Variants in EPHA6 observed in about 807,000 individuals in gnomAD.
EPHA6 encodes the protein ephrin type-A receptor 6.
EPHA6 carries 50 observed loss-of-function variants against 112.0 expected under a neutral mutation model. The observed-to-expected ratio is 0.45, with a 90% CI of 0.36 to 0.56. EPHA6 has a LOEUF of 0.56. Among genes scored for constraint, EPHA6 ranks in the 20% least tolerant of loss-of-function variants. The probability of loss-of-function intolerance (pLI) is 0.00; values close to 1 mark genes in which losing one functional copy is unlikely to be tolerated. For synonymous variants in EPHA6, 529 were observed against 490.7 expected, an observed-to-expected ratio of 1.08 and a Z score of -1.03; for missense variants, 1,280 against 1,417.4, an observed-to-expected ratio of 0.90 and a Z score of 1.56.
At chr3:97,393,030 A>G (rs569282944) in intron 5 of EPHA6, among the ~76,000 whole-genome samples, 2 of 151,814 alleles carry the variant, frequency 1.3e-5, no homozygotes, top group Non-Finnish European at 2.9e-5. Context: ...ACTAGAAACC[A>G]GTGTTCTTGA....
At position 97,559,349 on chromosome 3, in the gene EPHA6, G is replaced by T. The variant is rs73134913; in HGVS notation, c.2386+26806G>T. ...ACAGGAGAGAACTCTAGAGATTTTGGTGAATATGTGCAAATAGAAAGTGAA... is the reference window on the plus strand; with the variant it reads ...ACAGGAGAGAACTCTAGAGATTTTGTTGAATATGTGCAAATAGAAAGTGAA... On this transcript the variant is annotated intron_variant, in intron 11 of 17. Coordinates refer to ENST00000389672, the MANE Select transcript of EPHA6 (RefSeq NM_001080448.3). Among the ~76,000 whole-genome samples, 879 of 152,074 alleles carry T rather than the reference G, an allele frequency of 5.8e-3. 3 individuals are homozygous for T. The highest frequency in any genetic ancestry group is 0.01 in the Middle Eastern group (3 of 294).
intron 3 of EPHA6, among the ~76,000 whole-genome samples, chr3:97,147,430 AT>A (rs901972699): frequency 2.9e-4 from 43 of 148,102 alleles, no homozygotes; most frequent in East Asian, 9.9e-4. Flanking sequence ...AAGGAACCAC[AT>A]TTTTTTTTTC....
Position 96,987,891 on chromosome 3 carries a change from G to A in EPHA6, c.1012G>A (p.Asp338Asn). The part of the protein sequence containing the change: ...GSCVKSAEER[D>N]TPKLYCGADG... ...TTGTGTGAAGAGTGCTGAAGAGCGT[G>A]ACACTCCTAAACTGTATTGTGGAGC... The change falls in exon 3 of 18, where the codon GAC becomes AAC. Residue 338 changes from aspartate to asparagine, a missense_variant. Physicochemically the swap from Asp to Asn is conservative, Grantham distance 23 (BLOSUM62 1). Transcript: ENST00000389672. 1.2e-6 allele frequency: 2 copies of A among 1,613,826 alleles called. No homozygotes were observed. Among genetic ancestry groups the A allele is most frequent in the South Asian group, 1.1e-5 (1 of 91,070 alleles).
Position 97,747,438 on chromosome 3 carries a change from T to C in EPHA6, c.3144T>C (p.Pro1048=). Residue 1048 remains proline, a synonymous_variant, in exon 17 of 18, where the codon CCT becomes CCC. Transcript: ENST00000389672. ...VEDILVMPES[P]GEVPEYPLFV... ...TTTCTTACAGAATGCCAGAGTCCCC[T>C]GGTGAAGTTCCGGAATATCCTTTGT... The C allele has an allele frequency of 6.4e-7, 1 of 1,569,606 alleles. No homozygotes were observed.
chr3:97,126,089 G>A (rs1000838435), intron 3 of EPHA6, among the ~76,000 whole-genome samples: 21 of 152,310 alleles, frequency 1.4e-4, no homozygotes, highest in Admixed American at 9.8e-4. Context: ...GCAGGTATGC[G>A]ATTTCCTACT....
chr3:97,224,033 A>G (rs1424335168), intron 3 of EPHA6, among the ~76,000 whole-genome samples: 2 of 151,674 alleles, frequency 1.3e-5, no homozygotes, highest in East Asian at 1.9e-4. Context: ...TACTTCGAGA[A>G]AAAAAAAATT....
At chr3:97,230,533 G>C (rs1235026495) in intron 4 of EPHA6, among the ~76,000 whole-genome samples, 1 of 152,034 alleles carries the variant, frequency 6.6e-6, no homozygotes, top group Non-Finnish European at 1.5e-5. Flanking sequence ...GTCATGGCTG[G>C]GCAGAATTTT....
At chr3:97,001,321 C>T (rs2043655811) in intron 3 of EPHA6, among the ~76,000 whole-genome samples, 1 of 151,658 alleles carries the variant, frequency 6.6e-6, no homozygotes, top group South Asian at 2.1e-4. Context: ...ATCTTGTTGT[C>T]TCTTGTAAGA....
intron 3 of EPHA6, among the ~76,000 whole-genome samples, chr3:97,210,665 T>G (rs2077846046): frequency 6.6e-6 from 1 of 152,214 alleles, no homozygotes; most frequent in African/African-American, 2.4e-5. Flanking sequence ...TCTGTCTAAC[T>G]TTTGGCTTTT....
chr3:97,606,267 T>A (rs1027424005), intron 12 of EPHA6: 5 of 151,278 alleles, frequency 3.3e-5, no homozygotes, highest in African/African-American at 1.2e-4. Flanking sequence ...TTTAAGAAAA[T>A]TTTTTGTATC....
intron 3 of EPHA6, among the ~76,000 whole-genome samples, chr3:97,044,935 T>A (rs1351223780): frequency 6.6e-6 from 1 of 152,076 alleles, no homozygotes; most frequent in Non-Finnish European, 1.5e-5. Flanking sequence ...AAAATCTGTC[T>A]TTAGAAAGTC....
At chr3:97,600,388 A>G (rs377643688) in intron 12 of EPHA6, among the ~76,000 whole-genome samples, 1,788 of 150,812 alleles carry the variant, frequency 0.012, 30 homozygotes, top group African/African-American at 0.033. Flanking sequence ...ATTCAGTATG[A>G]TATTGGCTGT....
At chr3:97,190,165 G>A (rs867071961) in intron 3 of EPHA6, among the ~76,000 whole-genome samples, 2 of 152,100 alleles carry the variant, frequency 1.3e-5, no homozygotes, top group Non-Finnish European at 2.9e-5. Context: ...GAAAGGAACA[G>A]TATACAGCAA....
At chr3:97,434,094 A>G (rs1233707538) in intron 6 of EPHA6, among the ~76,000 whole-genome samples, 1 of 152,150 alleles carries the variant, frequency 6.6e-6, no homozygotes, top group African/African-American at 2.4e-5. Context: ...TTCTCAATAT[A>G]TTACTGAAAC....
chr3:97,615,396 C>T (rs569856801), intron 13 of EPHA6, among the ~76,000 whole-genome samples: 3 of 152,252 alleles, frequency 2.0e-5, no homozygotes, highest in Admixed American at 2.0e-4. Flanking sequence ...GTGACAGTGA[C>T]TCAGGCAAGG....
chr3:97,572,288 C>A (rs2093341777), intron 11 of EPHA6, among the ~76,000 whole-genome samples: 1 of 151,502 alleles, frequency 6.6e-6, no homozygotes, highest in African/African-American at 2.4e-5. Flanking sequence ...GTAGCTAGGA[C>A]TACAGGCGCC....
At chr3:96,939,807 T>C (rs2040830402) in intron 2 of EPHA6, among the ~76,000 whole-genome samples, 1 of 152,254 alleles carries the variant, frequency 6.6e-6, no homozygotes, top group South Asian at 2.1e-4. Flanking sequence ...GTTGTGTCTT[T>C]GTTCCCGTTG....
chr3:96,938,559 G>T (rs578188806), intron 2 of EPHA6, among the ~76,000 whole-genome samples: 12 of 152,282 alleles, frequency 7.9e-5, no homozygotes, highest in African/African-American at 2.9e-4. Context: ...TGCAAACAGG[G>T]ACAATTTGAC....
rs544560154 is a variant in EPHA6 at position 97,572,072 on chromosome 3, TAGA to T, written c.2387-20537_2387-20535del. ...ATCTTGGCAATTTATCTATCTAAAG[TAGA>T]AGTTTTCTTGGACCAAAAATCTATG... is the stretch of plus-strand genomic sequence containing the variant. On this transcript the variant is annotated intron_variant, in intron 11 of 17. Coordinates refer to ENST00000389672, the MANE Select transcript of EPHA6 (RefSeq NM_001080448.3). 3.2e-3 allele frequency among the ~76,000 whole-genome samples: 489 copies of T among 152,162 alleles called. 2 individuals carry two copies. Among genetic ancestry groups the T allele is most frequent in the African/African-American group, 0.011 (456 of 41,510 alleles).
Sources: allele counts gnomAD v4.1 joint callset (sites outside exome capture counted in the v4.1 genomes callset), GRCh38; gene constraint gnomAD v4.1.1; transcripts MANE v1.5; gene names NCBI Gene and HGNC (gene_info 2026-07-23, HGNC 2026-07-21).